The following HPS5 variants were observed in gnomAD, a reference collection of about 807,000 sequenced individuals.
HPS5 encodes the protein BLOC-2 complex member HPS5.
Under a neutral mutation model 128.0 loss-of-function variants are expected in HPS5, and 83 were observed. That is an observed-to-expected ratio of 0.65 (90% CI 0.54 to 0.78). The LOEUF (loss-of-function observed/expected upper bound fraction) is 0.78, where lower values mean the gene tolerates loss of function less well. HPS5 is among the 30% of genes least tolerant of loss of function. HPS5 has a pLI of 0.00. For synonymous variants in HPS5, 475 were observed against 470.2 expected (o/e 1.01, Z -0.13); for missense variants, 1,281 against 1,326.2 (o/e 0.97, Z 0.53).
intron 2 of HPS5, among the ~76,000 whole-genome samples, chr11:18,315,159 C>A (rs1439782363): frequency 2.0e-5 from 3 of 152,186 alleles, no homozygotes; most frequent in Non-Finnish European, 4.4e-5. Flanking sequence ...GTTATTGGGG[C>A]TCAGCAACCA....
Position 18,289,559 on chromosome 11 carries a change from A to T in HPS5, c.2441-1546T>A, listed in dbSNP as rs577106638. On this transcript the variant is annotated intron_variant, in intron 16 of 22. Coordinates refer to ENST00000349215, the MANE Select transcript of HPS5 (RefSeq NM_181507.2). ...TAGCTTGTTTCTTATTTCACACAAA[A>T]GACAATCTACCTCAACTCAGAAAAA... is the stretch of plus-strand genomic sequence containing the variant. 5.3e-5 allele frequency among the ~76,000 whole-genome samples: 8 copies of T among 151,872 alleles called. No individual in the cohort carries two copies. The Middle Eastern group carries it at 0.017, about 323-fold the overall frequency.
chr11:18,312,019 C>T lies in HPS5; in HGVS notation c.114G>A (p.Thr38=), dbSNP rs766322352. 5.6e-6 allele frequency: 9 copies of T among 1,611,944 alleles called. No individual in the cohort carries two copies. The highest frequency in any genetic ancestry group is 1.6e-4 in the Middle Eastern group (1 of 6,084). ...LRLDSSRLKC[T]SIAVSRKWLA... ...ACCATTTCCGAGACACAGCTATGCT[C>T]GTGCACTAAAAACATGTGAAGAGAA... Residue 38 remains threonine (T), a synonymous_variant, in exon 3 of 23, where the codon ACG becomes ACA. Transcript: ENST00000349215.
In HPS5 at chr11:18,285,428, T is replaced by C. The variant is rs200529277; in HGVS notation, c.2869A>G (p.Ser957Gly). ...PHSHLLSWGY[S>G]QLILHLIKLP... ...TTAATTAGATGAAGGATCAGCTGACTGTAACCCCAGGAAAGCAAGTGTGAA... is the reference window on the plus strand; with the variant it reads ...TTAATTAGATGAAGGATCAGCTGACCGTAACCCCAGGAAAGCAAGTGTGAA... The change falls in exon 20 of 23, where the codon AGT (serine) becomes GGT (glycine). Residue 957 changes from serine (S) to glycine (G), a missense_variant. Transcript: ENST00000349215. The C allele has an allele frequency of 3.1e-6, 5 of 1,613,246 alleles. No homozygotes were observed. The highest frequency in any genetic ancestry group is 1.7e-6 in the Non-Finnish European group (2 of 1,179,332).
intron 1 of HPS5, among the ~76,000 whole-genome samples, chr11:18,319,203 T>C (rs933822895): frequency 1.3e-5 from 2 of 149,228 alleles, no homozygotes; most frequent in African/African-American, 5.0e-5. Flanking sequence ...ATAAGACAAG[T>C]AAAATAATTC....
intron 8 of HPS5, among the ~76,000 whole-genome samples, chr11:18,303,151 C>T (rs1564961970): frequency 6.6e-6 from 1 of 152,154 alleles, no homozygotes; most frequent in Admixed American, 6.5e-5. Flanking sequence ...CCATAGGGCA[C>T]AGTGTACGAA....
intron 22 of HPS5, among the ~76,000 whole-genome samples, chr11:18,281,255 A>ATTTTTTTTTT (rs1236371776): frequency 1.0e-5 from 1 of 99,956 alleles, no homozygotes. Flanking sequence ...ATTTTTTTGC[A>ATTTTTTTTTT]TTTTTTTTTT....
chr11:18,300,996 T>C (rs1307649148), intron 8 of HPS5, 80 bp from the exon 9 acceptor site: 2 of 821,694 alleles, frequency 2.4e-6, no homozygotes, highest in Non-Finnish European at 2.1e-6. Flanking sequence ...ATCCTTGCAT[T>C]AGCTATTAAA....
At chr11:18,284,013 T>C in intron 20 of HPS5, 112 bp from the exon 21 acceptor site, 1 of 721,068 alleles carries the variant, frequency 1.4e-6, no homozygotes, top group South Asian at 1.6e-5. Flanking sequence ...TTTAAATTAA[T>C]TAAAAGTAAA....
In HPS5 at chr11:18,281,982, G is replaced by A. The variant is rs139039126; in HGVS notation, c.3297C>T (p.Cys1099=). ...TTTTCTCAGCAATCCTCAGGATATC[G>A]CAGGTTCTGGTAAACTTCTCTGACA... ...LELSEKFTRT[C]DILRIAEKRQ... The change falls in exon 22 of 23, where the codon TGC becomes TGT. Residue 1099 remains cysteine (C), a synonymous_variant. Coordinates refer to ENST00000349215, the MANE Select transcript of HPS5 (RefSeq NM_181507.2). 406 of 1,614,028 alleles carry A rather than the reference G, an allele frequency of 2.5e-4. No individual in the cohort carries two copies. The highest frequency in any genetic ancestry group is 3.2e-4 in the Non-Finnish European group (375 of 1,180,048).
rs1862888554 is a variant in HPS5 at position 18,310,829 on chromosome 11, C to A, written c.389G>T (p.Cys130Phe). ...EHKGRRVTAL[C>F]WDTAILRVFV... ...AACTCTAAGAATAGCTGTATCCCAG[C>A]AGAGAGCTGTGACTCTTCGGCCTTT... The change falls in exon 5 of 23, where the codon TGC (cysteine) becomes TTC (phenylalanine). Residue 130 changes from cysteine (C) to phenylalanine (F), a missense_variant. Coordinates refer to ENST00000349215, the MANE Select transcript of HPS5 (RefSeq NM_181507.2). 2.5e-6 allele frequency: 4 copies of A among 1,613,862 alleles called. No homozygotes were observed. The highest frequency in any genetic ancestry group is 1.7e-5 in the Admixed American group (1 of 59,994).
chr11:18,295,096 GTCTCACTT>G lies in HPS5; in HGVS notation c.1700_1707del (p.Lys567ThrfsTer6), dbSNP rs1564946472. 6.2e-7 allele frequency: 1 copy of G among 1,614,012 alleles called. No individual in the cohort carries two copies. Among genetic ancestry groups the G allele is most frequent in the Non-Finnish European group, 8.5e-7 (1 of 1,179,914 alleles). On this transcript the variant is annotated frameshift_variant, in exon 14 of 23. Coordinates refer to ENST00000349215, the MANE Select transcript of HPS5 (RefSeq NM_181507.2). LOFTEE classifies it high-confidence loss of function. The stretch of plus-strand genomic sequence containing the variant: ...GATTGCTCATCACCCCTGAGCTCTG[GTCTCACTT>G]TCAGATCAGGGCTCGTGTGAAGGGT...
Position 18,306,235 on chromosome 11 carries a change from C to T in HPS5, c.724G>A (p.Gly242Ser), listed in dbSNP as rs941602459. ...QQPLIYCARPGSRMWEVNFDG... is the reference protein window; with the variant it reads ...QQPLIYCARPSSRMWEVNFDG... The stretch of plus-strand genomic sequence containing the variant: ...AAGTTCACTTCCCACATCCTAGAGC[C>T]TGGGCGAGCACAATATATCAGAGGT... Residue 242 changes from glycine (G) to serine (S), a missense_variant, in exon 7 of 23, where the codon GGC (glycine) becomes AGC (serine). Transcript: ENST00000349215. 6.2e-7 allele frequency: 1 copy of T among 1,614,032 alleles called. No individual in the cohort carries two copies. The highest frequency in any genetic ancestry group is 1.3e-5 in the African/African-American group (1 of 75,026).
At chr11:18,294,383 A>G (rs1860805671) in intron 14 of HPS5, among the ~76,000 whole-genome samples, 1 of 152,030 alleles carries the variant, frequency 6.6e-6, no homozygotes, top group Non-Finnish European at 1.5e-5. Context: ...GACTCATCAA[A>G]TAATAGCACA....
intron 16 of HPS5, among the ~76,000 whole-genome samples, chr11:18,290,399 A>C (rs1167401739): frequency 3.3e-5 from 5 of 152,198 alleles, no homozygotes; most frequent in Admixed American, 3.3e-4. Context: ...AAATGGAATA[A>C]CACCATCTAC....
chr11:18,292,876 T>C, intron 15 of HPS5, 23 bp downstream of exon 15: 1 of 1,582,954 alleles, frequency 6.3e-7, no homozygotes, highest in Non-Finnish European at 8.7e-7. Context: ...GACGTCACTA[T>C]AAAAGTTTCT....
At chr11:18,281,593 G>C (rs1413211765) in intron 22 of HPS5, among the ~76,000 whole-genome samples, 1 of 151,310 alleles carries the variant, frequency 6.6e-6, no homozygotes, top group East Asian at 1.9e-4. Flanking sequence ...TTTTAGTAGA[G>C]ATGGGGTTTC....
At chr11:18,286,026 G>A (rs999781097) in intron 19 of HPS5, among the ~76,000 whole-genome samples, 3 of 152,224 alleles carry the variant, frequency 2.0e-5, no homozygotes, top group African/African-American at 7.2e-5. Context: ...CCTGCAGGCG[G>A]TCAGCTGTGC....
intron 14 of HPS5, 47 bp from the exon 15 acceptor site, chr11:18,293,023 G>T (rs755855747): frequency 1.4e-6 from 2 of 1,423,604 alleles, no homozygotes; most frequent in Non-Finnish European, 1.9e-6. Flanking sequence ...GAGTTAGAGG[G>T]GATCAGAGCT....
intron 2 of HPS5, 120 bp from the exon 3 acceptor site, chr11:18,312,144 C>T (rs1023174847): frequency 2.6e-6 from 2 of 756,036 alleles, no homozygotes; most frequent in Non-Finnish European, 4.7e-6. Context: ...TACCCTCTGC[C>T]CATATGGACA....
Sources: allele counts gnomAD v4.1 joint callset (sites outside exome capture counted in the v4.1 genomes callset), GRCh38; gene constraint gnomAD v4.1.1; transcripts MANE v1.5; gene names NCBI Gene and HGNC (gene_info 2026-07-23, HGNC 2026-07-21).